Variants in CTDSPL2 observed in about 807,000 individuals in gnomAD.
CTDSPL2 encodes CTD small phosphatase like 2.
In CTDSPL2, 5 loss-of-function variants were observed where a neutral mutation model predicts 60.0. The ratio of observed to expected loss-of-function variants is 0.08; its 90% confidence interval spans 0.04 to 0.18. The LOEUF (loss-of-function observed/expected upper bound fraction) is 0.18, where lower values mean the gene tolerates loss of function less well. CTDSPL2 is among the 10% of genes least tolerant of loss of function. CTDSPL2 has a pLI of 1.00. For synonymous variants in CTDSPL2, 186 were observed against 189.3 expected, an observed-to-expected ratio of 0.98 and a Z score of 0.14; for missense variants, 370 against 548.8, an observed-to-expected ratio of 0.67 and a Z score of 3.26.
At chr15:44,452,955 C>T (rs2080360734) in intron 1 of CTDSPL2, among the ~76,000 whole-genome samples, 1 of 151,976 alleles carries the variant, frequency 6.6e-6, no homozygotes, top group Non-Finnish European at 1.5e-5. Flanking sequence ...TGTGAATATT[C>T]GACCAGTTTG....
chr15:44,470,817 C>T (rs944785599), intron 2 of CTDSPL2, among the ~76,000 whole-genome samples: 1 of 152,116 alleles, frequency 6.6e-6, no homozygotes, highest in African/African-American at 2.4e-5. Flanking sequence ...AGTCTTCTAT[C>T]TTACTATGTA....
At chr15:44,474,916 C>T (rs1446569031) in intron 2 of CTDSPL2, among the ~76,000 whole-genome samples, 1 of 152,098 alleles carries the variant, frequency 6.6e-6, no homozygotes. Flanking sequence ...TTACTATATA[C>T]ACCGTTGCTC....
At chr15:44,454,973 G>A (rs1317731969) in intron 1 of CTDSPL2, among the ~76,000 whole-genome samples, 1 of 152,166 alleles carries the variant, frequency 6.6e-6, no homozygotes, top group Non-Finnish European at 1.5e-5. Context: ...GAAAGTCATT[G>A]GTAGCTTGAT....
At chr15:44,475,196 T>A (rs144446011) in intron 2 of CTDSPL2, among the ~76,000 whole-genome samples, 1 of 152,152 alleles carries the variant, frequency 6.6e-6, no homozygotes, top group Non-Finnish European at 1.5e-5. Flanking sequence ...AAATCTTTCA[T>A]TCAGTGATTT....
intron 1 of CTDSPL2, among the ~76,000 whole-genome samples, chr15:44,458,582 C>T (rs572235219): frequency 9.8e-5 from 15 of 152,300 alleles, no homozygotes; most frequent in African/African-American, 3.6e-4. Flanking sequence ...CTTTCCTTAT[C>T]TTGTTTACTA....
chr15:44,441,242 C>T (rs531169597), intron 1 of CTDSPL2, among the ~76,000 whole-genome samples: 1 of 152,220 alleles, frequency 6.6e-6, no homozygotes, highest in South Asian at 2.1e-4. Flanking sequence ...CTTTCACTCC[C>T]CCGCATTCAC....
intron 1 of CTDSPL2, among the ~76,000 whole-genome samples, chr15:44,431,676 A>G (rs2079859519): frequency 6.6e-6 from 1 of 151,614 alleles, no homozygotes; most frequent in Non-Finnish European, 1.5e-5. Context: ...ATAAGGAAAC[A>G]TAGGAGAGTT....
At chr15:44,484,074 G>T in intron 2 of CTDSPL2, 150 bp from the exon 3 acceptor site, 1 of 629,414 alleles carries the variant, frequency 1.6e-6, no homozygotes, top group Non-Finnish European at 2.7e-6. Context: ...AATTTTTTCT[G>T]TGTTGATATT....
chr15:44,481,300 C>A (rs756527394), intron 2 of CTDSPL2, among the ~76,000 whole-genome samples: 5 of 152,220 alleles, frequency 3.3e-5, no homozygotes, highest in Non-Finnish European at 7.4e-5. Flanking sequence ...TTTTTGTAAC[C>A]TGAAGTATTT....
intron 1 of CTDSPL2, among the ~76,000 whole-genome samples, chr15:44,436,044 G>A (rs987368458): frequency 6.6e-6 from 1 of 152,134 alleles, no homozygotes; most frequent in Non-Finnish European, 1.5e-5. Context: ...TATGGAAGTA[G>A]TGGAGAGTAA....
chr15:44,441,503 A>G (rs1393187489), intron 1 of CTDSPL2, among the ~76,000 whole-genome samples: 1 of 152,206 alleles, frequency 6.6e-6, no homozygotes, highest in African/African-American at 2.4e-5. Context: ...TCTCTCAGGA[A>G]TAATACATTC....
intron 8 of CTDSPL2, among the ~76,000 whole-genome samples, chr15:44,513,068 T>C (rs537285281): frequency 1.4e-5 from 2 of 143,180 alleles, no homozygotes; most frequent in African/African-American, 5.3e-5. Context: ...CAAGACTCCT[T>C]CTCAAAAAAA....
At chr15:44,465,188 A>C (rs1567075047) in intron 2 of CTDSPL2, among the ~76,000 whole-genome samples, 1 of 152,182 alleles carries the variant, frequency 6.6e-6, no homozygotes, top group East Asian at 1.9e-4. Flanking sequence ...AATTATCAGC[A>C]AGATTATTCA....
chr15:44,496,913 A>G (rs1012448126), intron 6 of CTDSPL2, 114 bp from the exon 7 acceptor site: 3 of 556,274 alleles, frequency 5.4e-6, no homozygotes, highest in Non-Finnish European at 9.8e-6. Flanking sequence ...TATGTTTTAT[A>G]AGTTTTGTTT....
intron 10 of CTDSPL2, 65 bp from the exon 11 acceptor site, chr15:44,519,104 A>G (rs1843672492): frequency 1.3e-5 from 14 of 1,073,472 alleles, no homozygotes; most frequent in Non-Finnish European, 1.8e-5. Flanking sequence ...GTGTATATAT[A>G]TGTGTATATG....
chr15:44,473,949 G>C (rs777186670), intron 2 of CTDSPL2, among the ~76,000 whole-genome samples: 37 of 151,976 alleles, frequency 2.4e-4, no homozygotes, highest in Non-Finnish European at 5.1e-4. Context: ...TGATCCTCAC[G>C]CCTCAGCTAG....
intron 1 of CTDSPL2, among the ~76,000 whole-genome samples, chr15:44,449,870 A>G: frequency 6.6e-6 from 1 of 152,048 alleles, no homozygotes. Flanking sequence ...ACATGCCTCT[A>G]ATCCCAGCTA....
chr15:44,459,886 G>A (rs1178049903), intron 2 of CTDSPL2, among the ~76,000 whole-genome samples: 4 of 152,022 alleles, frequency 2.6e-5, no homozygotes, highest in African/African-American at 4.8e-5. Flanking sequence ...GTATTGCTTC[G>A]TTAAAGAGAA....
At chr15:44,503,042 A>C (rs926970583) in intron 8 of CTDSPL2, among the ~76,000 whole-genome samples, 2 of 152,190 alleles carry the variant, frequency 1.3e-5, no homozygotes, top group African/African-American at 4.8e-5. Flanking sequence ...TGAAAGATCT[A>C]TCTCAAATTA....
Sources: gnomAD v4.1 joint callset for allele counts (sites outside exome capture counted in the v4.1 genomes callset) on GRCh38, gnomAD v4.1.1 for gene constraint, MANE v1.5 for transcripts, NCBI Gene and HGNC (gene_info 2026-07-23, HGNC 2026-07-21) for gene names.